The following DOK7 variants were observed in gnomAD, a reference collection of about 807,000 sequenced individuals.
DOK7 encodes docking protein 7.
DOK7 carries 32 observed loss-of-function variants against 30.7 expected under a neutral mutation model. That is an observed-to-expected ratio of 1.04 (90% confidence interval 0.79 to 1.40). The LOEUF (loss-of-function observed/expected upper bound fraction) is 1.40, where lower values mean the gene tolerates loss of function less well. Among genes scored for constraint, DOK7 ranks in the 40% most tolerant of loss-of-function variants. The pLI, the probability that DOK7 is intolerant of heterozygous loss-of-function variation, is 0.00. For missense variants in DOK7, 1,007 were observed against 699.2 expected (o/e 1.44, Z -4.97); for synonymous variants, 447 against 324.1 (o/e 1.38, Z -4.07).
chr4:3,490,139 ATTCC>A (rs1162071275), intron 6 of DOK7, among the ~76,000 whole-genome samples: 68 of 40,790 alleles, frequency 1.7e-3, no homozygotes, highest in African/African-American at 5.7e-3. Flanking sequence ...CTGCTCATTC[ATTCC>A]TTCCTTCCCC....
At position 3,490,909 on chromosome 4, in the gene DOK7, TCTGCTCATTCATTCCTTCCTTCTTCCC is replaced by T. The variant is rs1204315086; in HGVS notation, c.772+1132_772+1158del. On this transcript the variant is annotated intron_variant, in intron 6 of 6. Transcript: ENST00000340083. ...GCTCATTAATTTCTTCCTTCTCTCC[TCTGCTCATTCATTCCTTCCTTCTTCCC>T]CTGCTCATTCATTCCTTCTCCCCCT... 8.8e-3 allele frequency among the ~76,000 whole-genome samples: 1,015 copies of T among 115,596 alleles called. 16 individuals carry two copies. Among genetic ancestry groups the T allele is most frequent in the African/African-American group, 0.028 (813 of 28,948 alleles). 75.8% of individuals were successfully genotyped at this position (115,596 alleles called of 152,430 possible).
At chr4:3,469,788 G>A (rs1320976937) in intron 2 of DOK7, among the ~76,000 whole-genome samples, 2 of 152,204 alleles carry the variant, frequency 1.3e-5, no homozygotes, top group Non-Finnish European at 2.9e-5. Flanking sequence ...GGCACTCCCC[G>A]AGAGATGCAC....
rs1450739689 is a variant in DOK7, at chr4:3,493,440, C to G, written c.1454C>G (p.Pro485Arg). 1 of 1,606,946 alleles carries G rather than the reference C, an allele frequency of 6.2e-7. No individual in the cohort carries two copies. The highest frequency in any genetic ancestry group is 1.3e-5 in the African/African-American group (1 of 74,822). The change falls in exon 7 of 7, where the codon CCC (proline) becomes CGC (arginine). Residue 485 changes from proline to arginine, a missense_variant. By Grantham distance (103) the Pro-to-Arg change is moderately radical (BLOSUM62 -2). Transcript: ENST00000340083. ...GCAGGCGGCCCCCACGCGGGGCCAC[C>G]CCCGGCTTTCTTTTCGGCATGTCCA... Reference protein sequence around the residue: ...WEAGGPHAGPPPAFFSACPVC... With the variant: ...WEAGGPHAGPRPAFFSACPVC...
At chr4:3,482,003 C>T (rs1291559832) in intron 4 of DOK7, among the ~76,000 whole-genome samples, 1 of 152,092 alleles carries the variant, frequency 6.6e-6, no homozygotes, top group East Asian at 1.9e-4. Context: ...TCCTGGCCTT[C>T]TGCTTGTGTT....
At chr4:3,495,867 T>C (rs919459386), downstream of DOK7, among the ~76,000 whole-genome samples, 2 of 152,056 alleles carry the variant, frequency 1.3e-5, no homozygotes, top group Non-Finnish European at 2.9e-5. Flanking sequence ...GTCGGCCTGT[T>C]GTCAAAGGTT....
At chr4:3,482,767 C>T (rs1340095438) in intron 4 of DOK7, among the ~76,000 whole-genome samples, 2 of 152,348 alleles carry the variant, frequency 1.3e-5, no homozygotes, top group Non-Finnish European at 2.9e-5. Flanking sequence ...CGGTCAGCAG[C>T]CTCTCACCTA....
At chr4:3,490,498 T>TCCCCCCC (rs565212591) in intron 6 of DOK7, among the ~76,000 whole-genome samples, 2 of 110,846 alleles carry the variant, frequency 1.8e-5, no homozygotes, top group Non-Finnish European at 3.7e-5. Context: ...TCCTTCCTTT[T>TCCCCCCC]CCCCCTGCTC....
intron 3 of DOK7, among the ~76,000 whole-genome samples, chr4:3,475,503 G>A (rs994431327): frequency 2.0e-5 from 3 of 152,238 alleles, no homozygotes; most frequent in African/African-American, 7.2e-5. Context: ...GACAGGGGAG[G>A]TGGGGACAGC....
intron 5 of DOK7, among the ~76,000 whole-genome samples, chr4:3,486,330 C>A (rs1019348962): frequency 1.3e-5 from 2 of 152,246 alleles, no homozygotes; most frequent in African/African-American, 2.4e-5. Flanking sequence ...TCCATGGGCT[C>A]TCTCAAATGC....
intron 5 of DOK7, among the ~76,000 whole-genome samples, chr4:3,486,792 G>A (rs1727830502): frequency 6.6e-6 from 1 of 152,060 alleles, no homozygotes; most frequent in East Asian, 1.9e-4. Flanking sequence ...TGGTCAGCGT[G>A]GATGATGTGG....
intron 2 of DOK7, 57 bp downstream of exon 2, chr4:3,463,608 G>A: frequency 2.6e-6 from 4 of 1,518,552 alleles, no homozygotes; most frequent in African/African-American, 1.4e-5. Flanking sequence ...GGTTACCGAG[G>A]CCCGGGGCAG....
chr4:3,490,517 C>CTTCT (rs1728259009), intron 6 of DOK7, among the ~76,000 whole-genome samples: 1 of 114,530 alleles, frequency 8.7e-6, no homozygotes, highest in Non-Finnish European at 1.7e-5. Flanking sequence ...TCATTCTTTC[C>CTTCT]TTCACCCCCC....
At position 3,463,461 on chromosome 4, in the gene DOK7, G is replaced by T. The variant is rs763739780; in HGVS notation, c.54+32G>T. 4 of 1,374,384 alleles carry T rather than the reference G, an allele frequency of 2.9e-6. No homozygotes were observed. The highest frequency in any genetic ancestry group is 3.8e-6 in the Non-Finnish European group (4 of 1,055,822). The allele number at this position is 1,374,384 out of a possible 1,614,324, so 85.1% of individuals were successfully genotyped here. A position where few individuals can be genotyped will look rare whatever the true frequency, so the allele number is the denominator to read the frequency against. ...GCGCGTCGGGGGCGCGGGGGGGGGG[G>T]GCGCGGGCGCGGGCGGCGGCTCACG... On this transcript the variant is annotated intron_variant, in intron 1 of 6. Coordinates refer to ENST00000340083, the MANE Select transcript of DOK7 (RefSeq NM_173660.5).
rs1418325270 is a variant in DOK7 at position 3,468,794 on chromosome 4, ATGTCTGTG to A, written c.101-4608_101-4601del. 4.9e-3 allele frequency among the ~76,000 whole-genome samples: 649 copies of A among 131,460 alleles called. 2 individuals are homozygous for A. The highest frequency in any genetic ancestry group is 0.018 in the African/African-American group (611 of 34,134). The allele number at this position is 131,460 out of a possible 152,430, so 86.2% of individuals were successfully genotyped here. On this transcript the variant is annotated intron_variant, in intron 2 of 6. Transcript: ENST00000340083. ...CATGTATGTGTGCCTGTGATCATGTATGTCTGTGTGTGCCTGTGTGTGTATGCATGGAG... is the reference window on the plus strand; with the variant it reads ...CATGTATGTGTGCCTGTGATCATGTATGTGCCTGTGTGTGTATGCATGGAG...
rs777293497 is a variant in DOK7, at chr4:3,492,974, G to T, written c.988G>T (p.Val330Phe). 28 of 1,553,720 alleles carry T rather than the reference G, an allele frequency of 1.8e-5. No homozygotes were observed. The South Asian group carries it at 2.5e-4, about 14-fold the overall frequency. The change falls in exon 7 of 7, where the codon GTT becomes TTT. Residue 330 changes from valine (V) to phenylalanine (F), a missense_variant. Val to Phe is a conservative substitution (Grantham distance 50). Coordinates refer to ENST00000340083, the MANE Select transcript of DOK7 (RefSeq NM_173660.5). ...KPLRPRQLQE[V>F]GRQSSSDSGI... The stretch of plus-strand genomic sequence containing the variant: ...GCTGCGTCCGCGGCAGCTGCAGGAG[G>T]TTGGCCGCCAGAGCTCCTCGGACAG...
downstream of DOK7, among the ~76,000 whole-genome samples, chr4:3,494,808 G>T (rs868230838): frequency 6.6e-6 from 1 of 152,212 alleles, no homozygotes; most frequent in South Asian, 2.1e-4. Flanking sequence ...GCGGACCTCA[G>T]GAGGGGGCTG....
At chr4:3,469,929 G>T (rs1374260378) in intron 2 of DOK7, among the ~76,000 whole-genome samples, 1 of 152,204 alleles carries the variant, frequency 6.6e-6, no homozygotes, top group Non-Finnish European at 1.5e-5. Context: ...CTGACCTCTC[G>T]GCTTCTGTTC....
intron 4 of DOK7, among the ~76,000 whole-genome samples, chr4:3,483,961 G>A (rs114327459): frequency 7.5e-4 from 114 of 152,320 alleles, no homozygotes; most frequent in African/African-American, 2.5e-3. Flanking sequence ...CTCCTGGATG[G>A]CATCGCAGCG....
chr4:3,486,851 G>T (rs927813244), intron 5 of DOK7, among the ~76,000 whole-genome samples: 1 of 152,054 alleles, frequency 6.6e-6, no homozygotes, highest in Non-Finnish European at 1.5e-5. Context: ...TGCAGGGCGG[G>T]GACAGGGCCG....
Sources: gnomAD v4.1 joint callset for allele counts (sites outside exome capture counted in the v4.1 genomes callset) on GRCh38, gnomAD v4.1.1 for gene constraint, MANE v1.5 for transcripts, NCBI Gene and HGNC (gene_info 2026-07-23, HGNC 2026-07-21) for gene names.